The following PDE7A variants were observed in gnomAD, a reference collection of about 807,000 sequenced individuals.
The protein encoded by PDE7A is high affinity 3',5'-cyclic-AMP phosphodiesterase 7A.
A neutral mutation model predicts 64.3 loss-of-function variants in PDE7A; 39 were observed. The ratio of observed to expected loss-of-function variants is 0.61; its 90% CI spans 0.47 to 0.79. PDE7A has a LOEUF of 0.79. Among genes scored for constraint, PDE7A ranks in the 30% least tolerant of loss-of-function variants. PDE7A has a pLI of 0.00. For missense variants in PDE7A, 470 were observed against 582.8 expected (o/e 0.81, Z 1.99); for synonymous variants, 203 against 206.8 (o/e 0.98, Z 0.16).
Position 65,841,649 on chromosome 8 carries a change from G to A in PDE7A, c.-141C>T, listed in dbSNP as rs1023951820. ...GGGACCGACCCCGGGCTGGGAAGCC[G>A]CGCTCACGCCTCCCCAACCCCAGCC... On this transcript the variant is annotated 5_prime_UTR_variant, in exon 1 of 13. Coordinates refer to ENST00000401827, the MANE Select transcript of PDE7A (RefSeq NM_001242318.3). 5.7e-4 allele frequency: 116 copies of A among 205,188 alleles called. 1 individual carries two copies. The highest frequency in any genetic ancestry group is 1.7e-4 in the African/African-American group (7 of 42,306). The allele number at this position is 205,188 out of a possible 1,614,324, so 12.7% of individuals were successfully genotyped here.
intron 1 of PDE7A, among the ~76,000 whole-genome samples, chr8:65,819,070 C>A (rs903291748): frequency 6.6e-6 from 1 of 152,198 alleles, no homozygotes; most frequent in African/African-American, 2.4e-5. Flanking sequence ...GGCCTTTAGT[C>A]AACCTCCAGA....
chr8:65,790,488 C>T (rs889849655), intron 1 of PDE7A, among the ~76,000 whole-genome samples: 1 of 152,090 alleles, frequency 6.6e-6, no homozygotes, highest in Non-Finnish European at 1.5e-5. Flanking sequence ...TCAATGTACA[C>T]AAATGATGAT....
chr8:65,719,260 G>A lies in PDE7A; in HGVS notation c.*30C>T, dbSNP rs202204619. The A allele has an allele frequency of 9.3e-6, 14 of 1,512,750 alleles. No homozygotes were observed. The African/African-American group carries it at 1.4e-4, about 15-fold the overall frequency. The allele number at this position is 1,512,750 out of a possible 1,614,324, so 93.7% of individuals were successfully genotyped here. A position where few individuals can be genotyped will look rare whatever the true frequency, so the allele number is the denominator to read the frequency against. ...CATTTCACATTTCTAAAAACCTCCA[G>A]GAGGCAGTTTGTCCCACTGGTTCTG... On this transcript the variant is annotated 3_prime_UTR_variant, in exon 13 of 13. Coordinates refer to ENST00000401827, the MANE Select transcript of PDE7A (RefSeq NM_001242318.3).
intron 6 of PDE7A, among the ~76,000 whole-genome samples, chr8:65,738,824 T>C (rs1437066185): frequency 6.6e-6 from 1 of 152,260 alleles, no homozygotes. Context: ...TTTAAAGTTT[T>C]AGCCTTCAAA....
At chr8:65,796,676 G>A (rs1809852562) in intron 1 of PDE7A, among the ~76,000 whole-genome samples, 1 of 151,880 alleles carries the variant, frequency 6.6e-6, no homozygotes, top group South Asian at 2.1e-4. Context: ...AATAAACTAA[G>A]AATAAAAGAA....
chr8:65,761,800 C>T (rs1563494106), intron 3 of PDE7A, among the ~76,000 whole-genome samples: 1 of 152,160 alleles, frequency 6.6e-6, no homozygotes, highest in Non-Finnish European at 1.5e-5. Context: ...CTGTTGCTTT[C>T]CCCTCCTCAT....
intron 1 of PDE7A, among the ~76,000 whole-genome samples, chr8:65,795,217 G>C (rs1809807151): frequency 6.6e-6 from 1 of 152,218 alleles, no homozygotes; most frequent in South Asian, 2.1e-4. Flanking sequence ...TGATCCTTGA[G>C]AGAATGGAAA....
chr8:65,798,206 A>ATATATATATATATTTTTT, intron 1 of PDE7A, among the ~76,000 whole-genome samples: 9 of 73,806 alleles, frequency 1.2e-4, no homozygotes, highest in South Asian at 9.0e-4. Flanking sequence ...ATATATATAT[A>ATATATATATATATTTTTT]TTTTTTTTTT....
intron 1 of PDE7A, among the ~76,000 whole-genome samples, chr8:65,808,655 T>C (rs972870392): frequency 2.0e-5 from 3 of 152,186 alleles, no homozygotes; most frequent in Non-Finnish European, 4.4e-5. Context: ...TTTTTAATGA[T>C]GAACATGTAT....
intron 6 of PDE7A, among the ~76,000 whole-genome samples, chr8:65,736,575 G>A (rs886430927): frequency 2.1e-4 from 32 of 151,936 alleles, no homozygotes; most frequent in African/African-American, 7.3e-4. Flanking sequence ...CCATTAGCAA[G>A]ACCTTGTCCC....
intron 3 of PDE7A, among the ~76,000 whole-genome samples, chr8:65,758,588 A>T (rs567917740): frequency 2.8e-4 from 43 of 152,326 alleles, no homozygotes; most frequent in Non-Finnish European, 5.0e-4. Flanking sequence ...ACGGTGAGTA[A>T]GCCAGCCCTT....
chr8:65,816,848 G>T (rs1427057615), intron 1 of PDE7A, among the ~76,000 whole-genome samples: 3 of 152,178 alleles, frequency 2.0e-5, no homozygotes, highest in Non-Finnish European at 4.4e-5. Flanking sequence ...CACATTCACT[G>T]ACCTTCTGGA....
chr8:65,802,059 T>A (rs1158435341), intron 1 of PDE7A, among the ~76,000 whole-genome samples: 2 of 152,318 alleles, frequency 1.3e-5, no homozygotes, highest in East Asian at 3.9e-4. Context: ...ATCAACACTC[T>A]ACAAAGAAAT....
In PDE7A at chr8:65,798,206, A is replaced by ATTTT. The variant is rs1554568896; in HGVS notation, c.139-15367_139-15364dup. Among the ~76,000 whole-genome samples, 303 of 73,786 alleles carry ATTTT rather than the reference A, an allele frequency of 4.1e-3. 12 individuals are homozygous for ATTTT. Among genetic ancestry groups the ATTTT allele is most frequent in the African/African-American group, 0.017 (283 of 17,136 alleles). 48.4% of individuals were successfully genotyped at this position (73,786 alleles called of 152,430 possible). Reference sequence around the variant, plus strand: ...TATATATATATATATATATATATATATTTTTTTTTTTTTGAGATGGAGTCT... The same window carrying ATTTT: ...TATATATATATATATATATATATATATTTTTTTTTTTTTTTTTGAGATGGAGTCT... On this transcript the variant is annotated intron_variant, in intron 1 of 12. Transcript: ENST00000401827.
chr8:65,784,332 T>C (rs1809492460), intron 1 of PDE7A, among the ~76,000 whole-genome samples: 1 of 152,196 alleles, frequency 6.6e-6, no homozygotes, highest in Non-Finnish European at 1.5e-5. Flanking sequence ...ATTCTGTATA[T>C]GATAAATACA....
At chr8:65,787,780 A>T (rs184199248) in intron 1 of PDE7A, among the ~76,000 whole-genome samples, 105 of 149,468 alleles carry the variant, frequency 7.0e-4, no homozygotes, top group African/African-American at 2.5e-3. Context: ...TCATCTCTAC[A>T]GGGGGGGGAA....
intron 3 of PDE7A, among the ~76,000 whole-genome samples, chr8:65,748,527 A>T (rs1256114608): frequency 6.6e-6 from 1 of 152,204 alleles, no homozygotes; most frequent in Non-Finnish European, 1.5e-5. Context: ...GAAATGACAG[A>T]TCTGGGGTAA....
chr8:65,808,902 T>C (rs112840002), intron 1 of PDE7A, among the ~76,000 whole-genome samples: 46 of 152,312 alleles, frequency 3.0e-4, no homozygotes, highest in African/African-American at 1.0e-3. Context: ...CTCAAGACAA[T>C]GTAGTCATAA....
Position 65,719,191 on chromosome 8 carries a change from G to C in PDE7A, c.*99C>G, listed in dbSNP as rs1459593507. The C allele has an allele frequency of 1.4e-5, 11 of 774,670 alleles. No individual in the cohort carries two copies. Among genetic ancestry groups the C allele is most frequent in the Non-Finnish European group, 2.5e-5 (11 of 444,396 alleles). 48.0% of individuals were successfully genotyped at this position (774,670 alleles called of 1,614,324 possible). ...AATGCTGGCTGGCATCACTCACTTG[G>C]AAACCTTGGCAGTCAAGAGTTAAGT... is the stretch of plus-strand genomic sequence containing the variant. On this transcript the variant is annotated 3_prime_UTR_variant, in exon 13 of 13. Transcript: ENST00000401827.
Sources: gnomAD v4.1 joint callset for allele counts (sites outside exome capture counted in the v4.1 genomes callset) on GRCh38, gnomAD v4.1.1 for gene constraint, MANE v1.5 for transcripts, NCBI Gene and HGNC (gene_info 2026-07-23, HGNC 2026-07-21) for gene names.